The following NRXN1 variants were observed in gnomAD, a reference collection of about 807,000 sequenced individuals.
NRXN1 encodes the protein neurexin 1.
NRXN1 carries 39 observed loss-of-function variants against 150.9 expected under a neutral mutation model. That is an observed-to-expected ratio of 0.26 (90% confidence interval 0.20 to 0.34). The LOEUF (loss-of-function observed/expected upper bound fraction) is 0.34. NRXN1 is among the 10% of genes least tolerant of loss of function. The probability of loss-of-function intolerance (pLI) is 1.00; values close to 1 mark genes in which losing one functional copy is unlikely to be tolerated. For missense variants in NRXN1, 1,815 were observed against 1,949.9 expected, an observed-to-expected ratio of 0.93 and a Z score of 1.30; for synonymous variants, 924 against 757.0, an observed-to-expected ratio of 1.22 and a Z score of -3.62.
At chr2:50,366,865 G>C (rs1280528859) in intron 17 of NRXN1, among the ~76,000 whole-genome samples, 1 of 151,978 alleles carries the variant, frequency 6.6e-6, no homozygotes, top group Non-Finnish European at 1.5e-5. Flanking sequence ...TACCAGCCCT[G>C]TGTCACCTAC....
chr2:51,011,635 T>C (rs1667886743), intron 2 of NRXN1, among the ~76,000 whole-genome samples: 1 of 152,044 alleles, frequency 6.6e-6, no homozygotes, highest in Non-Finnish European at 1.5e-5. Flanking sequence ...ACACAATTAT[T>C]ATTCAGAATA....
At chr2:50,653,915 C>T (rs1686000324) in intron 5 of NRXN1, among the ~76,000 whole-genome samples, 1 of 149,920 alleles carries the variant, frequency 6.7e-6, no homozygotes, top group African/African-American at 2.4e-5. Context: ...ATGGCTGTAG[C>T]TGAAGCATAC....
chr2:50,888,328 G>A (rs1416462388), intron 5 of NRXN1, among the ~76,000 whole-genome samples: 1 of 151,512 alleles, frequency 6.6e-6, no homozygotes, highest in Non-Finnish European at 1.5e-5. Flanking sequence ...GATTTAATTG[G>A]AGGCAGGTGA....
chr2:50,185,490 C>G (rs1361874164), intron 18 of NRXN1: 1 of 152,048 alleles, frequency 6.6e-6, no homozygotes, highest in Non-Finnish European at 1.5e-5. Context: ...TAAGTGGGGC[C>G]ATGTCATTAG....
chr2:50,955,981 G>A (rs1692217861), intron 2 of NRXN1, among the ~76,000 whole-genome samples: 2 of 152,138 alleles, frequency 1.3e-5, no homozygotes, highest in South Asian at 4.1e-4. Context: ...TGAGAAAACA[G>A]CATTGGAAAA....
intron 10 of NRXN1, among the ~76,000 whole-genome samples, chr2:50,531,638 G>C (rs1170656876): frequency 6.6e-6 from 1 of 152,048 alleles, no homozygotes; most frequent in Non-Finnish European, 1.5e-5. Flanking sequence ...ATTTGCTAAA[G>C]CCCAGAAACA....
At chr2:50,184,430 A>C (rs1563028) in intron 18 of NRXN1, among the ~76,000 whole-genome samples, 37,101 of 151,882 alleles carry the variant, frequency 0.24, 5,545 homozygotes, top group East Asian at 0.42. Context: ...ACATGTAAAA[A>C]TACTTAAAGA....
At chr2:50,643,733 C>T (rs1245361163) in intron 5 of NRXN1, among the ~76,000 whole-genome samples, 4 of 151,788 alleles carry the variant, frequency 2.6e-5, no homozygotes, top group Non-Finnish European at 5.9e-5. Context: ...TTCTAGACTC[C>T]ATTTTCTCTA....
Position 50,697,373 on chromosome 2 carries a change from C to G in NRXN1, c.833-73758G>C, listed in dbSNP as rs184260912. 1.8e-3 allele frequency among the ~76,000 whole-genome samples: 277 copies of G among 152,162 alleles called. 1 individual carries two copies. The Middle Eastern group carries it at 0.027, about 15-fold the overall frequency. Reference sequence around the variant, plus strand: ...GGATGCTCATTAAATTTGTGTGTGACAAAAGTTGGAAAGAGTGTTAAGACC... The same window carrying G: ...GGATGCTCATTAAATTTGTGTGTGAGAAAAGTTGGAAAGAGTGTTAAGACC... On this transcript the variant is annotated intron_variant, in intron 5 of 22. Coordinates refer to ENST00000401669, the MANE Select transcript of NRXN1 (RefSeq NM_001330078.2).
chr2:50,074,398 A>G (rs1177067606), intron 19 of NRXN1, among the ~76,000 whole-genome samples: 1 of 152,124 alleles, frequency 6.6e-6, no homozygotes, highest in Non-Finnish European at 1.5e-5. Context: ...TTTGATTTTT[A>G]TGGAGGCTAG....
intron 5 of NRXN1, among the ~76,000 whole-genome samples, chr2:50,676,939 G>C (rs1205254681): frequency 6.6e-6 from 1 of 152,160 alleles, no homozygotes; most frequent in East Asian, 1.9e-4. Flanking sequence ...AAGGTGGTAA[G>C]TGTGAATAAA....
chr2:50,235,581 T>C (rs2065339295), intron 18 of NRXN1, among the ~76,000 whole-genome samples: 1 of 152,120 alleles, frequency 6.6e-6, no homozygotes, highest in Admixed American at 6.6e-5. Context: ...TAAAAACTTG[T>C]AAAAGTTTGT....
chr2:50,715,675 C>A (rs919942214), intron 5 of NRXN1, among the ~76,000 whole-genome samples: 13 of 152,202 alleles, frequency 8.5e-5, no homozygotes, highest in Middle Eastern at 3.4e-3. Flanking sequence ...TGCATTCTTG[C>A]CTTTTTGCTT....
intron 5 of NRXN1, among the ~76,000 whole-genome samples, chr2:50,734,938 A>T (rs1024427070): frequency 6.6e-6 from 1 of 152,188 alleles, no homozygotes; most frequent in African/African-American, 2.4e-5. Context: ...GCCTTTTAAT[A>T]TGCACCAAGA....
intron 18 of NRXN1, among the ~76,000 whole-genome samples, chr2:50,134,920 T>C (rs1172697367): frequency 2.6e-5 from 4 of 152,210 alleles, no homozygotes; most frequent in Admixed American, 6.5e-5. Context: ...GGATGTCTAA[T>C]CTATTCTTAA....
At chr2:50,142,333 A>T (rs2152761385) in intron 18 of NRXN1, among the ~76,000 whole-genome samples, 1 of 151,954 alleles carries the variant, frequency 6.6e-6, no homozygotes, top group Admixed American at 6.6e-5. Flanking sequence ...GGGGGTGAAG[A>T]GAGGTAGGAC....
At chr2:50,542,131 A>T (rs1317207053) in intron 9 of NRXN1, among the ~76,000 whole-genome samples, 1 of 152,134 alleles carries the variant, frequency 6.6e-6, no homozygotes, top group Admixed American at 6.5e-5. Context: ...AAAATACAAA[A>T]TTAGCCGGGC....
At chr2:49,995,285 C>T (rs1344447046) in intron 21 of NRXN1, among the ~76,000 whole-genome samples, 2 of 152,124 alleles carry the variant, frequency 1.3e-5, no homozygotes, top group Non-Finnish European at 2.9e-5. Flanking sequence ...TTATAAAAAA[C>T]CTTCTTTTAC....
Position 50,158,184 on chromosome 2 carries a change from T to C in NRXN1, c.3547-66690A>G, listed in dbSNP as rs1574230394. Among the ~76,000 whole-genome samples, 5 of 151,378 alleles carry C rather than the reference T, an allele frequency of 3.3e-5. No individual in the cohort carries two copies. In the East Asian group the frequency reaches 9.8e-4, roughly 30 times the overall value. On this transcript the variant is annotated intron_variant, in intron 18 of 22. Transcript: ENST00000401669. ...ATTTTCCACCACATCTGATCCATAA[T>C]TTCTAAAAGCTTAAATAGAATCCAC...
Sources: allele counts gnomAD v4.1 joint callset (sites outside exome capture counted in the v4.1 genomes callset), GRCh38; gene constraint gnomAD v4.1.1; transcripts MANE v1.5; gene names NCBI Gene and HGNC (gene_info 2026-07-23, HGNC 2026-07-21).